The following RNF214 variants were observed in gnomAD, a reference collection of about 807,000 sequenced individuals.
The protein encoded by RNF214 is ring finger protein 214.
In RNF214, 25 loss-of-function variants were observed where a neutral mutation model predicts 75.9. That is an observed-to-expected ratio of 0.33 (90% CI 0.24 to 0.46). The LOEUF (loss-of-function observed/expected upper bound fraction) is 0.46. RNF214 is among the 20% of genes least tolerant of loss of function. The pLI, the probability that RNF214 is intolerant of heterozygous loss-of-function variation, is 1.00. For synonymous variants in RNF214, 314 were observed against 308.8 expected (o/e 1.02, Z -0.18); for missense variants, 725 against 857.5 (o/e 0.85, Z 1.93).
chr11:117,250,303 A>G (rs1224454094), intron 6 of RNF214, among the ~76,000 whole-genome samples: 4 of 152,242 alleles, frequency 2.6e-5, no homozygotes, highest in Non-Finnish European at 5.9e-5. Context: ...TAATTATAGG[A>G]CATTTTGGAA....
rs370184715 is a variant in RNF214, at chr11:117,282,418, A to G, written c.1727A>G (p.Asn576Ser). The change falls in exon 12 of 15, where the codon AAC becomes AGC. Residue 576 changes from asparagine (N) to serine (S), a missense_variant. By Grantham distance (46) the Asn-to-Ser change is conservative. Coordinates refer to ENST00000300650, the MANE Select transcript of RNF214 (RefSeq NM_207343.4). ...FPQCNKAQMTNILQQIKTART... is the reference protein window; with the variant it reads ...FPQCNKAQMTSILQQIKTART... ...TTTTTCCTCAGGGCCCAGATGACCA[A>G]CATTCTTCAGCAGATCAAGACAGCA... 5 of 1,614,032 alleles carry G rather than the reference A, an allele frequency of 3.1e-6. No individual in the cohort carries two copies. In the South Asian group the frequency reaches 3.3e-5, roughly 11 times the overall value.
intron 6 of RNF214, among the ~76,000 whole-genome samples, chr11:117,253,588 T>G (rs1372068261): frequency 6.6e-6 from 1 of 152,202 alleles, no homozygotes; most frequent in Admixed American, 6.5e-5. Flanking sequence ...ATGCCTGTAA[T>G]CCCAGCACTT....
intron 6 of RNF214, among the ~76,000 whole-genome samples, chr11:117,263,556 G>C (rs2033724835): frequency 6.6e-6 from 1 of 152,198 alleles, no homozygotes. Flanking sequence ...TTACAGGCGT[G>C]AGCCACCGCA....
At chr11:117,265,706 C>T (rs149849333) in intron 6 of RNF214, among the ~76,000 whole-genome samples, 126 of 152,188 alleles carry the variant, frequency 8.3e-4, no homozygotes, top group African/African-American at 2.7e-3. Context: ...TGAGCCACCG[C>T]GCCTGGCCAT....
chr11:117,240,941 G>T (rs1292736318), intron 4 of RNF214, among the ~76,000 whole-genome samples: 1 of 152,040 alleles, frequency 6.6e-6, no homozygotes, highest in Non-Finnish European at 1.5e-5. Flanking sequence ...CGCTTTGGGA[G>T]GCTGAGGCAG....
intron 6 of RNF214, among the ~76,000 whole-genome samples, chr11:117,254,629 C>CT (rs1161323482): frequency 0.01 from 1,493 of 144,806 alleles, 20 homozygotes; most frequent in South Asian, 0.055. Flanking sequence ...CGTTCTTCTT[C>CT]TTTTTTTTTT....
At chr11:117,279,758 G>A (rs993938300) in intron 6 of RNF214, 150 bp from the exon 7 acceptor site, 1 of 562,472 alleles carries the variant, frequency 1.8e-6, no homozygotes, top group African/African-American at 1.9e-5. Context: ...AAAGAATAAA[G>A]AAGAAAGAAA....
rs762739881 is a variant in RNF214, at chr11:117,281,716, G to C, written c.1335+18G>C. The C allele has an allele frequency of 6.0e-5, 96 of 1,592,608 alleles. No individual in the cohort carries two copies. Among genetic ancestry groups the C allele is most frequent in the South Asian group, 3.8e-4 (34 of 90,514 alleles). On this transcript the variant is annotated intron_variant, in intron 10 of 14. Coordinates refer to ENST00000300650, the MANE Select transcript of RNF214 (RefSeq NM_207343.4). Reference sequence around the variant, plus strand: ...CATCAGAGGTAAGAGAGTGGCTTTGGGGGGAAGTTCACCTTTCTGTGTTGG... The same window carrying C: ...CATCAGAGGTAAGAGAGTGGCTTTGCGGGGAAGTTCACCTTTCTGTGTTGG...
At chr11:117,233,197 C>G (rs965589010) in intron 1 of RNF214, among the ~76,000 whole-genome samples, 4 of 152,210 alleles carry the variant, frequency 2.6e-5, no homozygotes, top group African/African-American at 7.2e-5. Flanking sequence ...CATGCATGGC[C>G]CTTGTCCTGG....
At chr11:117,240,813 G>T (rs368737592) in intron 4 of RNF214, among the ~76,000 whole-genome samples, 59 of 151,912 alleles carry the variant, frequency 3.9e-4, no homozygotes, top group African/African-American at 1.4e-3. Context: ...AGGCTGAGGC[G>T]GGTGGATCAC....
intron 2 of RNF214, among the ~76,000 whole-genome samples, chr11:117,236,236 C>A (rs2032906513): frequency 6.6e-6 from 1 of 151,784 alleles, no homozygotes; most frequent in African/African-American, 2.4e-5. Context: ...GCTGGAATTA[C>A]AGGGATGAGC....
chr11:117,246,769 C>A (rs367788716), intron 5 of RNF214, 40 bp from the exon 6 acceptor site: 562 of 1,472,250 alleles, frequency 3.8e-4, no homozygotes, highest in Non-Finnish European at 4.8e-4. Flanking sequence ...AACTTATTTT[C>A]TTTTTTATTT....
At chr11:117,233,204 C>T (rs1347675116) in intron 1 of RNF214, among the ~76,000 whole-genome samples, 2 of 152,230 alleles carry the variant, frequency 1.3e-5, no homozygotes, top group Non-Finnish European at 2.9e-5. Flanking sequence ...GGCCCTTGTC[C>T]TGGGGTTTCG....
intron 2 of RNF214, among the ~76,000 whole-genome samples, chr11:117,234,944 A>G (rs954067801): frequency 6.6e-6 from 1 of 152,226 alleles, no homozygotes; most frequent in Non-Finnish European, 1.5e-5. Context: ...GGATAGGCAT[A>G]TGCCCACCCT....
intron 6 of RNF214, among the ~76,000 whole-genome samples, chr11:117,272,624 T>TA (rs1565345107): frequency 1.1e-4 from 17 of 151,652 alleles, no homozygotes; most frequent in African/African-American, 3.9e-4. Context: ...TTTTTTTTTT[T>TA]TAAAAAGAAA....
chr11:117,242,462 G>A lies in RNF214; in HGVS notation c.679-1983G>A, dbSNP rs80274142. On this transcript the variant is annotated intron_variant, in intron 4 of 14. Transcript: ENST00000300650. ...ACAGTCAAGTAGATGAAACAGGAAC[G>A]AATGGAAACCCAGCAAGTTACTGGG... 2.7e-3 allele frequency among the ~76,000 whole-genome samples: 408 copies of A among 152,302 alleles called. 7 individuals are homozygous for A. The East Asian group carries it at 0.045, about 17-fold the overall frequency.
Position 117,285,815 on chromosome 11 carries a change from C to G in RNF214, c.*664C>G, listed in dbSNP as rs1337895198. On this transcript the variant is annotated 3_prime_UTR_variant, in exon 15 of 15. Coordinates refer to ENST00000300650, the MANE Select transcript of RNF214 (RefSeq NM_207343.4). ...TCACAGTCCGAGAATAACAACATAA[C>G]CAGGTCCCAATTCCTCCATGTACCC... 2 of 152,354 alleles carry G rather than the reference C, an allele frequency of 1.3e-5. No individual in the cohort carries two copies. The highest frequency in any genetic ancestry group is 6.5e-5 in the Admixed American group (1 of 15,282). The allele number at this position is 152,354 out of a possible 1,614,324, so 9.4% of individuals were successfully genotyped here. A position where few individuals can be genotyped will look rare whatever the true frequency, so the allele number is the denominator to read the frequency against.
At position 117,282,262 on chromosome 11, in the gene RNF214, G is replaced by A. The variant is rs760781742; in HGVS notation, c.1704G>A (p.Gln568=). The A allele has an allele frequency of 2.5e-6, 4 of 1,591,064 alleles. No homozygotes were observed. The South Asian group carries it at 4.6e-5, about 18-fold the overall frequency. Residue 568 remains glutamine (Q), a synonymous_variant, in exon 11 of 15, where the codon CAG becomes CAA. Coordinates refer to ENST00000300650, the MANE Select transcript of RNF214 (RefSeq NM_207343.4). ...ILEKLLTRFP[Q]CNKAQMTNIL... ...AGAAGCTGCTGACCCGGTTCCCACA[G>A]TGCAATAAGTAAGTACCTTCAAGGA...
At chr11:117,237,147 A>G (rs924274234) in intron 2 of RNF214, among the ~76,000 whole-genome samples, 4 of 152,220 alleles carry the variant, frequency 2.6e-5, no homozygotes, top group Admixed American at 6.5e-5. Context: ...TGGTGCGATC[A>G]TGGCCTACTG....
Sources: gnomAD v4.1 joint callset for allele counts (sites outside exome capture counted in the v4.1 genomes callset) on GRCh38, gnomAD v4.1.1 for gene constraint, MANE v1.5 for transcripts, NCBI Gene and HGNC (gene_info 2026-07-23, HGNC 2026-07-21) for gene names.